Variants in OST4 observed in about 807,000 individuals in gnomAD.
The protein encoded by OST4 is oligosaccharyltransferase complex subunit 4, non-catalytic, also known as dolichyl-diphosphooligosaccharide--protein glycosyltransferase subunit 4.
In OST4, 3 loss-of-function variants were observed where a neutral mutation model predicts 2.1. That is an observed-to-expected ratio of 1.42 (90% CI 0.65 to 3.67). The LOEUF is 3.67. Ranked by LOEUF, OST4 falls within the 30% of genes most tolerant of loss-of-function variation. The pLI is 0.03. For missense variants in OST4, 52 were observed against 47.1 expected, an observed-to-expected ratio of 1.10 and a Z score of -0.30; for synonymous variants, 23 against 21.6, an observed-to-expected ratio of 1.06 and a Z score of -0.18.
At position 27,071,634 on chromosome 2, in the gene OST4, C is replaced by T. The variant is rs1001708483; in HGVS notation, c.-35G>A. On this transcript the variant is annotated 5_prime_UTR_variant, in exon 1 of 3. Coordinates refer to ENST00000456793, the MANE Select transcript of OST4 (RefSeq NM_001134693.2). ...TCCGGCTCGGCTCCGACGCCACCAG[C>T]GAACAAGCCCGAAGTCAGAGACCTG... is the stretch of plus-strand genomic sequence containing the variant. The T allele has an allele frequency of 6.9e-5, 36 of 520,834 alleles. No homozygotes were observed. The highest frequency in any genetic ancestry group is 1.1e-4 in the Non-Finnish European group (33 of 296,230). The allele number at this position is 520,834 out of a possible 1,614,324, so 32.3% of individuals were successfully genotyped here.
At position 27,071,356 on chromosome 2, in the gene OST4, T is replaced by G; in HGVS notation, c.107A>C (p.Gln36Pro). 6.4e-7 allele frequency: 1 copy of G among 1,551,346 alleles called. No individual in the cohort carries two copies. Among genetic ancestry groups the G allele is most frequent in the Non-Finnish European group, 8.7e-7 (1 of 1,146,692 alleles). ...GCGGAGAAAGCGCCACTTTCATTCC[T>G]GCTTCTTGGGATTGTTGACGGCCAC... ...HYVAVNNPKK[Q>P]E The change falls in exon 2 of 3, where the codon CAG becomes CCG. Residue 36 changes from glutamine (Q) to proline (P), a missense_variant. Transcript: ENST00000456793.
In OST4 at chr2:27,070,564, T is replaced by C. The variant is rs1669240409; in HGVS notation, c.*181A>G. On this transcript the variant is annotated 3_prime_UTR_variant, in exon 3 of 3. Transcript: ENST00000456793. The stretch of plus-strand genomic sequence containing the variant: ...TACTGGGCCCTATTCAGTGGCAGCT[T>C]CTTGTTCCATAGGATTAAGGAAGAC... The C allele has an allele frequency of 3.2e-6, 1 of 317,000 alleles. No homozygotes were observed. Among genetic ancestry groups the C allele is most frequent in the Non-Finnish European group, 5.8e-6 (1 of 171,048 alleles). 19.6% of individuals were successfully genotyped at this position (317,000 alleles called of 1,614,324 possible). A position where few individuals can be genotyped will look rare whatever the true frequency, so the allele number is the denominator to read the frequency against.
At position 27,071,468 on chromosome 2, in the gene OST4, G is replaced by T; in HGVS notation, c.-1-5C>A. 6.5e-7 allele frequency: 1 copy of T among 1,548,216 alleles called. No individual in the cohort carries two copies. Among genetic ancestry groups the T allele is most frequent in the African/African-American group, 1.4e-5 (1 of 73,122 alleles). On this transcript the variant is annotated splice_region_variant and splice_polypyrimidine_tract_variant and intron_variant, in intron 1 of 2. Transcript: ENST00000456793. ...AGCTGCACGTCCGTGATCATCCTGCGGAGAAGAGAGGGGCTGAGCTGCGGG... is the reference window on the plus strand; with the variant it reads ...AGCTGCACGTCCGTGATCATCCTGCTGAGAAGAGAGGGGCTGAGCTGCGGG...
Position 27,071,638 on chromosome 2 carries a change from C to G in OST4, c.-39G>C, listed in dbSNP as rs1483465127. 1.3e-5 allele frequency: 7 copies of G among 523,654 alleles called. No homozygotes were observed. Among genetic ancestry groups the G allele is most frequent in the Middle Eastern group, 1.0e-3 (2 of 1,950 alleles). The allele number at this position is 523,654 out of a possible 1,614,324, so 32.4% of individuals were successfully genotyped here. ...GCTCGGCTCCGACGCCACCAGCGAA[C>G]AAGCCCGAAGTCAGAGACCTGGACC... is the stretch of plus-strand genomic sequence containing the variant. On this transcript the variant is annotated 5_prime_UTR_variant, in exon 1 of 3. Transcript: ENST00000456793.
In OST4 at chr2:27,070,511, GGGGA is replaced by G. The variant is rs1228731424; in HGVS notation, c.*230_*233del. ...AAAAAAGTCTATATTTTTATATTGGGGGGAGGGAGTAGAAAAGCAAGCCCCTATA... is the reference window on the plus strand; with the variant it reads ...AAAAAAGTCTATATTTTTATATTGGGGGGAGTAGAAAAGCAAGCCCCTATA... On this transcript the variant is annotated 3_prime_UTR_variant, in exon 3 of 3. Coordinates refer to ENST00000456793, the MANE Select transcript of OST4 (RefSeq NM_001134693.2). 1 of 483,366 alleles carries G rather than the reference GGGGA, an allele frequency of 2.1e-6. No homozygotes were observed. Among genetic ancestry groups the G allele is most frequent in the Non-Finnish European group, 3.7e-6 (1 of 269,544 alleles). 29.9% of individuals were successfully genotyped at this position (483,366 alleles called of 1,614,324 possible).
In OST4 at chr2:27,070,479, A is replaced by G; in HGVS notation, c.*266T>C. Reference sequence around the variant, plus strand: ...TCCCTCCGCAGCACAAGATTTTGGGACCACAAAAAAAAGTCTATATTTTTA... The same window carrying G: ...TCCCTCCGCAGCACAAGATTTTGGGGCCACAAAAAAAAGTCTATATTTTTA... On this transcript the variant is annotated 3_prime_UTR_variant, in exon 3 of 3. Transcript: ENST00000456793. 1.9e-6 allele frequency: 1 copy of G among 524,918 alleles called. No individual in the cohort carries two copies. Among genetic ancestry groups the G allele is most frequent in the South Asian group, 3.2e-5 (1 of 31,074 alleles). The allele number at this position is 524,918 out of a possible 1,614,324, so 32.5% of individuals were successfully genotyped here.
chr2:27,071,454 C>T lies in OST4; in HGVS notation c.9G>A (p.Thr3=), dbSNP rs180779365. Residue 3 remains threonine, a synonymous_variant, in exon 2 of 3, where the codon ACG becomes ACA. Transcript: ENST00000456793. ...TGGCGAAGATGGCGAGCTGCACGTC[C>T]GTGATCATCCTGCGGAGAAGAGAGG... The part of the protein sequence containing the change: MI[T]DVQLAIFANM... 189 of 1,551,190 alleles carry T rather than the reference C, an allele frequency of 1.2e-4. 1 individual carries two copies. The African/African-American group carries it at 2.1e-3, about 17-fold the overall frequency.
At position 27,071,417 on chromosome 2, in the gene OST4, C is replaced by A; in HGVS notation, c.46G>T (p.Val16Leu). ...QLAIFANMLG[V>L]SLFLLVVLYH... ...AGAACGACAAGCAAGAAGAGCGACA[C>A]GCCCAGCATGTTGGCGAAGATGGCG... Residue 16 changes from valine to leucine, a missense_variant, in exon 2 of 3, where the codon GTG (valine) becomes TTG (leucine). Val to Leu is a conservative substitution (Grantham distance 32). Coordinates refer to ENST00000456793, the MANE Select transcript of OST4 (RefSeq NM_001134693.2). 3 of 1,551,700 alleles carry A rather than the reference C, an allele frequency of 1.9e-6. No individual in the cohort carries two copies. The highest frequency in any genetic ancestry group is 1.7e-4 in the Middle Eastern group (1 of 5,992).
intron 2 of OST4, 51 bp downstream of exon 2, chr2:27,071,275 G>A (rs1669264234): frequency 8.4e-7 from 1 of 1,186,482 alleles, no homozygotes; most frequent in Non-Finnish European, 1.2e-6. Context: ...GCCCTGGCGC[G>A]GCCTCGCCAC....
At position 27,070,602 on chromosome 2, in the gene OST4, A is replaced by G. The variant is rs567488248; in HGVS notation, c.*143T>C. On this transcript the variant is annotated 3_prime_UTR_variant, in exon 3 of 3. Transcript: ENST00000456793. ...GATTAAGGAAGACTCTGAGGAAATA[A>G]AAGTTGTTTGGAAAAATCCAGGTGT... 2.2e-5 allele frequency: 5 copies of G among 223,748 alleles called. 1 individual carries two copies. In the South Asian group the frequency reaches 3.4e-4, roughly 15 times the overall value. The allele number at this position is 223,748 out of a possible 1,614,324, so 13.9% of individuals were successfully genotyped here. A position where few individuals can be genotyped will look rare whatever the true frequency, so the allele number is the denominator to read the frequency against.
intron 2 of OST4, 27 bp downstream of exon 2, chr2:27,071,299 C>A: frequency 6.9e-7 from 1 of 1,454,626 alleles, no homozygotes; most frequent in Non-Finnish European, 9.4e-7. Context: ...GCTCTGGGGA[C>A]TGGGCGCTAC....
In OST4 at chr2:27,070,483, C is replaced by CA. The variant is rs1474092972; in HGVS notation, c.*261dup. On this transcript the variant is annotated 3_prime_UTR_variant, in exon 3 of 3. Transcript: ENST00000456793. ...TCCGCAGCACAAGATTTTGGGACCACAAAAAAAAGTCTATATTTTTATATT... is the reference window on the plus strand; with the variant it reads ...TCCGCAGCACAAGATTTTGGGACCACAAAAAAAAAGTCTATATTTTTATATT... The CA allele has an allele frequency of 7.1e-5, 36 of 508,700 alleles. No individual in the cohort carries two copies. The highest frequency in any genetic ancestry group is 1.8e-4 in the East Asian group (6 of 32,876). The allele number at this position is 508,700 out of a possible 1,614,324, so 31.5% of individuals were successfully genotyped here.
At chr2:27,071,297 G>T in intron 2 of OST4, 29 bp downstream of exon 2, 1 of 1,432,496 alleles carries the variant, frequency 7.0e-7, no homozygotes, top group Non-Finnish European at 9.6e-7. Flanking sequence ...CAGCTCTGGG[G>T]ACTGGGCGCT....
In OST4 at chr2:27,070,509, G is replaced by A. The variant is rs991361680; in HGVS notation, c.*236C>T. 4.1e-6 allele frequency: 2 copies of A among 483,452 alleles called. No homozygotes were observed. The highest frequency in any genetic ancestry group is 1.9e-5 in the African/African-American group (1 of 52,130). The allele number at this position is 483,452 out of a possible 1,614,324, so 29.9% of individuals were successfully genotyped here. On this transcript the variant is annotated 3_prime_UTR_variant, in exon 3 of 3. Coordinates refer to ENST00000456793, the MANE Select transcript of OST4 (RefSeq NM_001134693.2). ...AAAAAAAAGTCTATATTTTTATATT[G>A]GGGGGAGGGAGTAGAAAAGCAAGCC...
intron 1 of OST4, 47 bp downstream of exon 1, chr2:27,071,542 AGCCACGGCCACG>A (rs918049226): frequency 7.9e-5 from 94 of 1,190,822 alleles, no homozygotes; most frequent in Middle Eastern, 5.4e-4. Flanking sequence ...CCCACGGGCC[AGCCACGGCCACG>A]GCCACGGCGG....
At position 27,071,076 on chromosome 2, in the gene OST4, C is replaced by A. The variant is rs149048458; in HGVS notation, c.*23+250G>T. Among the ~76,000 whole-genome samples, 15 of 152,338 alleles carry A rather than the reference C, an allele frequency of 9.8e-5. 1 individual carries two copies. In the East Asian group the frequency reaches 2.3e-3, roughly 24 times the overall value. On this transcript the variant is annotated intron_variant, in intron 2 of 2. Coordinates refer to ENST00000456793, the MANE Select transcript of OST4 (RefSeq NM_001134693.2). ...GTGTCAGTGCCTCCTTACAACTATA[C>A]TCCCAACTTGGGCATCTACCTACTG... is the stretch of plus-strand genomic sequence containing the variant.
rs578075960 is a variant in OST4, at chr2:27,071,635, G to T, written c.-36C>A. 1.6e-4 allele frequency: 84 copies of T among 522,878 alleles called. No individual in the cohort carries two copies. The South Asian group carries it at 2.0e-3, about 13-fold the overall frequency. The allele number at this position is 522,878 out of a possible 1,614,324, so 32.4% of individuals were successfully genotyped here. A position where few individuals can be genotyped will look rare whatever the true frequency, so the allele number is the denominator to read the frequency against. ...CCGGCTCGGCTCCGACGCCACCAGCGAACAAGCCCGAAGTCAGAGACCTGG... is the reference window on the plus strand; with the variant it reads ...CCGGCTCGGCTCCGACGCCACCAGCTAACAAGCCCGAAGTCAGAGACCTGG... On this transcript the variant is annotated 5_prime_UTR_variant, in exon 1 of 3. Transcript: ENST00000456793.
Position 27,071,644 on chromosome 2 carries a change from C to G in OST4, c.-45G>C. On this transcript the variant is annotated 5_prime_UTR_variant, in exon 1 of 3. Transcript: ENST00000456793. The stretch of plus-strand genomic sequence containing the variant: ...CTCCGACGCCACCAGCGAACAAGCC[C>G]GAAGTCAGAGACCTGGACCGGAACT... 1.9e-6 allele frequency: 1 copy of G among 513,268 alleles called. No individual in the cohort carries two copies. The highest frequency in any genetic ancestry group is 3.4e-6 in the Non-Finnish European group (1 of 291,680). The allele number at this position is 513,268 out of a possible 1,614,324, so 31.8% of individuals were successfully genotyped here.
intron 2 of OST4, 77 bp from the exon 3 acceptor site, chr2:27,070,798 C>G (rs1360589251): frequency 1.3e-5 from 2 of 156,730 alleles, no homozygotes; most frequent in African/African-American, 4.8e-5. Flanking sequence ...GGAAGTAACG[C>G]CCATCCATGT....
Sources: allele counts gnomAD v4.1 joint callset (sites outside exome capture counted in the v4.1 genomes callset), GRCh38; gene constraint gnomAD v4.1.1; transcripts MANE v1.5; gene names NCBI Gene and HGNC (gene_info 2026-07-23, HGNC 2026-07-21).